HIVEP3: variants seen among roughly 807,000 people sequenced by gnomAD.
The protein encoded by HIVEP3 is HIVEP zinc finger 3, also known as transcription factor HIVEP3.
A neutral mutation model predicts 152.8 loss-of-function variants in HIVEP3; 49 were observed. The observed-to-expected ratio is 0.32, with a 90% CI of 0.26 to 0.41. The LOEUF (loss-of-function observed/expected upper bound fraction) is 0.41. Ranked by LOEUF, HIVEP3 falls within the 10% of genes least tolerant of loss-of-function variation. The pLI is 1.00. For missense variants in HIVEP3, 2,790 were observed against 3,103.3 expected (o/e 0.90, Z 2.40); for synonymous variants, 1,269 against 1,289.0 (o/e 0.98, Z 0.33).
rs201584794 is a variant in HIVEP3, at chr1:41,580,663, C to T, written c.4135G>A (p.Gly1379Ser). The part of the protein sequence containing the change: ...CGADVHEVGP[G>S]PSGLSEEQSR... The stretch of plus-strand genomic sequence containing the variant: ...TGCTCTTCACTTAACCCAGAAGGGC[C>T]GGGCCCAACCTCATGCACATCTGCA... The change falls in exon 4 of 9, where the codon GGC becomes AGC. Residue 1379 changes from glycine to serine, a missense_variant. Around this residue, in one of 9 missense-constraint regions of HIVEP3, gnomAD observed 1,078 missense variants for 1,165.3 expected, o/e 0.93. Coordinates refer to ENST00000372583, the MANE Select transcript of HIVEP3 (RefSeq NM_024503.5). 53 of 1,613,658 alleles carry T rather than the reference C, an allele frequency of 3.3e-5. No individual in the cohort carries two copies. In the Admixed American group the frequency reaches 6.2e-4, roughly 19 times the overall value.
At chr1:41,926,549 G>C (rs1236007535) in intron 1 of HIVEP3, among the ~76,000 whole-genome samples, 1 of 152,074 alleles carries the variant, frequency 6.6e-6, no homozygotes, top group African/African-American at 2.4e-5. Context: ...CAGTTTGTAG[G>C]GGAAGGAAAT....
chr1:41,570,071 T>C (rs921782652), intron 5 of HIVEP3, among the ~76,000 whole-genome samples: 4 of 152,160 alleles, frequency 2.6e-5, no homozygotes, highest in African/African-American at 9.7e-5. Context: ...GGAGAAGTCC[T>C]TGGAGATAGG....
At chr1:41,562,024 G>T (rs549994935) in intron 5 of HIVEP3, among the ~76,000 whole-genome samples, 2 of 152,286 alleles carry the variant, frequency 1.3e-5, no homozygotes, top group Admixed American at 6.5e-5. Context: ...AGGAAGGAAA[G>T]AACTATGAAG....
chr1:41,840,716 G>A (rs1029952922), intron 1 of HIVEP3, among the ~76,000 whole-genome samples: 17 of 152,092 alleles, frequency 1.1e-4, no homozygotes, highest in Non-Finnish European at 2.4e-4. Flanking sequence ...TGACACCCAC[G>A]GAGCCCATCA....
intron 1 of HIVEP3, among the ~76,000 whole-genome samples, chr1:41,900,315 G>C (rs1253636915): frequency 6.6e-6 from 1 of 152,180 alleles, no homozygotes; most frequent in Non-Finnish European, 1.5e-5. Context: ...CTGGTACTGG[G>C]TGGTCAGTAA....
intron 5 of HIVEP3, among the ~76,000 whole-genome samples, chr1:41,555,733 GA>G (rs1643956326): frequency 3.3e-5 from 5 of 152,154 alleles, no homozygotes; most frequent in Admixed American, 3.3e-4. Context: ...TCCAGCTCCA[GA>G]AAAATTTCCA....
chr1:41,968,491 T>C (rs545494798), intron 1 of HIVEP3, among the ~76,000 whole-genome samples: 2 of 152,324 alleles, frequency 1.3e-5, no homozygotes, highest in African/African-American at 4.8e-5. Context: ...AGAAAAGTCC[T>C]TTGATAAAAT....
intron 3 of HIVEP3, among the ~76,000 whole-genome samples, chr1:41,627,536 C>T (rs1349904346): frequency 6.6e-6 from 1 of 152,174 alleles, no homozygotes; most frequent in Non-Finnish European, 1.5e-5. Flanking sequence ...CCCAAGCTGT[C>T]ATACTGTGGG....
chr1:41,518,578 GC>G, intron 6 of HIVEP3, 90 bp from the exon 7 acceptor site: 1 of 1,262,776 alleles, frequency 7.9e-7, no homozygotes, highest in Non-Finnish European at 1.2e-6. Context: ...TGGCCGGCAG[GC>G]CATGGTTTCT....
At chr1:41,538,794 G>A (rs1643460947) in intron 5 of HIVEP3, among the ~76,000 whole-genome samples, 1 of 47,322 alleles carries the variant, frequency 2.1e-5, no homozygotes, top group African/African-American at 8.0e-5. Context: ...AGGCAGGAAT[G>A]GGTTGAAATG....
At chr1:41,999,233 G>A (rs115140346) in intron 1 of HIVEP3, among the ~76,000 whole-genome samples, 350 of 151,930 alleles carry the variant, frequency 2.3e-3, no homozygotes, top group African/African-American at 5.3e-3. Context: ...CGCATGCCCC[G>A]TACAGAAAGT....
intron 1 of HIVEP3, among the ~76,000 whole-genome samples, chr1:41,982,425 T>C (rs1234426070): frequency 1.3e-5 from 2 of 152,182 alleles, no homozygotes; most frequent in Non-Finnish European, 2.9e-5. Flanking sequence ...CTACCTTATT[T>C]TGATGAACAG....
intron 1 of HIVEP3, among the ~76,000 whole-genome samples, chr1:41,852,391 G>A (rs72963221): frequency 0.019 from 2,919 of 152,354 alleles, 37 homozygotes; most frequent in African/African-American, 0.043. Flanking sequence ...AGGGGCAGGT[G>A]TAAGAAACAA....
chr1:42,017,988 C>A (rs1645533573), intron 1 of HIVEP3, among the ~76,000 whole-genome samples: 1 of 151,976 alleles, frequency 6.6e-6, no homozygotes, highest in Non-Finnish European at 1.5e-5. Flanking sequence ...GTAGACATAC[C>A]TTTTTGTAGA....
intron 1 of HIVEP3, among the ~76,000 whole-genome samples, chr1:41,963,873 T>TA (rs1645183189): frequency 6.6e-6 from 1 of 152,212 alleles, no homozygotes; most frequent in African/African-American, 2.4e-5. Context: ...CTCCCGGACA[T>TA]ACTCAGATTC....
chr1:42,025,505 G>A (rs1570899660), intron 1 of HIVEP3, among the ~76,000 whole-genome samples: 1 of 152,098 alleles, frequency 6.6e-6, no homozygotes, highest in African/African-American at 2.4e-5. Flanking sequence ...TGTGAGTCTG[G>A]TTTTCTTTTA....
At chr1:41,587,937 G>A (rs765485954) in intron 3 of HIVEP3, among the ~76,000 whole-genome samples, 3 of 152,172 alleles carry the variant, frequency 2.0e-5, no homozygotes, top group Non-Finnish European at 4.4e-5. Context: ...ACGGCAAGAG[G>A]GAGTAAGGAA....
chr1:41,871,338 A>G (rs1644075351), intron 1 of HIVEP3, among the ~76,000 whole-genome samples: 1 of 152,236 alleles, frequency 6.6e-6, no homozygotes, highest in South Asian at 2.1e-4. Context: ...GCCCAGCACA[A>G]TGACGAACAT....
chr1:42,002,713 C>T (rs1407413330), intron 1 of HIVEP3, among the ~76,000 whole-genome samples: 1 of 152,182 alleles, frequency 6.6e-6, no homozygotes, highest in African/African-American at 2.4e-5. Flanking sequence ...AGATGGACCC[C>T]TGGGGTTCCA....
Sources: gnomAD v4.1 joint callset for allele counts (sites outside exome capture counted in the v4.1 genomes callset) on GRCh38, gnomAD v4.1.1 for gene constraint, gnomAD v4.1.1 regional missense constraint, MANE v1.5 for transcripts, NCBI Gene and HGNC (gene_info 2026-07-23, HGNC 2026-07-21) for gene names.